The following EYS variants were observed in gnomAD, a reference collection of about 807,000 sequenced individuals.
The protein encoded by EYS is protein eyes shut homolog.
In EYS, 250 loss-of-function variants were observed where a neutral mutation model predicts 282.1. The observed-to-expected ratio is 0.89, with a 90% CI of 0.80 to 0.98. The LOEUF (loss-of-function observed/expected upper bound fraction) is 0.98, where lower values mean the gene tolerates loss of function less well. EYS is among the 50% of genes least tolerant of loss of function. The pLI is 0.00. For missense variants in EYS, 4,016 were observed against 3,709.0 expected, an observed-to-expected ratio of 1.08 and a Z score of -2.15; for synonymous variants, 1,355 against 1,282.9, an observed-to-expected ratio of 1.06 and a Z score of -1.20.
Position 64,912,494 on chromosome 6 carries a change from A to G in EYS, c.2631T>C (p.Ile877=), listed in dbSNP as rs1392027064. ...CATATTAGCTCTTACCTTCTCTACA[A>G]ATACAATGCTGATTTGCGTCTACCA... ...LALVDANQHC[I]CREEFEGKNC... is the part of the protein sequence containing the mutation. Residue 877 remains isoleucine, a synonymous_variant, in exon 16 of 43, where the codon ATT becomes ATC. Transcript: ENST00000503581. 79 of 1,550,906 alleles carry G rather than the reference A, an allele frequency of 5.1e-5. No homozygotes were observed. Among genetic ancestry groups the G allele is most frequent in the Middle Eastern group, 1.7e-4 (1 of 6,010 alleles).
intron 35 of EYS, among the ~76,000 whole-genome samples, chr6:63,905,984 C>G (rs560174393): frequency 6.6e-6 from 1 of 152,178 alleles, no homozygotes; most frequent in Admixed American, 6.5e-5. Flanking sequence ...CTACGTGTTG[C>G]TCAATCCCTG....
At position 64,300,201 on chromosome 6, in the gene EYS, T is replaced by C. The variant is rs534628611; in HGVS notation, c.6191+6769A>G. Among the ~76,000 whole-genome samples, 6 of 152,266 alleles carry C rather than the reference T, an allele frequency of 3.9e-5. No homozygotes were observed. In the South Asian group the frequency reaches 1.2e-3, roughly 32 times the overall value. ...AAAGGCATTAGAGGCTGGAGCCACG[T>C]GGCCAAGTTTGTGATGGGTGGAAGA... On this transcript the variant is annotated intron_variant, in intron 30 of 42. Coordinates refer to ENST00000503581, the MANE Select transcript of EYS (RefSeq NM_001142800.2).
intron 5 of EYS, among the ~76,000 whole-genome samples, chr6:65,452,039 C>T (rs1378859074): frequency 6.6e-6 from 1 of 151,420 alleles, no homozygotes; most frequent in Non-Finnish European, 1.5e-5. Context: ...TTTTAATATG[C>T]TTAAATGCAA....
chr6:64,456,613 A>C (rs937001539), intron 26 of EYS, among the ~76,000 whole-genome samples: 5 of 152,038 alleles, frequency 3.3e-5, no homozygotes, highest in Admixed American at 2.0e-4. Flanking sequence ...GGAAGAAAAC[A>C]TTTTCTTGTA....
intron 10 of EYS, among the ~76,000 whole-genome samples, chr6:65,338,321 A>G (rs1770068462): frequency 6.7e-6 from 1 of 148,818 alleles, no homozygotes; most frequent in Admixed American, 6.7e-5. Flanking sequence ...AAGAGAGTAA[A>G]TTATATCAGT....
chr6:64,343,270 C>G (rs1430044032), intron 29 of EYS, among the ~76,000 whole-genome samples: 1 of 151,868 alleles, frequency 6.6e-6, no homozygotes, highest in African/African-American at 2.4e-5. Flanking sequence ...TTCAGCACCA[C>G]ACCACACCTA....
intron 19 of EYS, among the ~76,000 whole-genome samples, chr6:64,864,380 A>AACT (rs1766346505): frequency 5.9e-5 from 3 of 51,202 alleles, no homozygotes; most frequent in Non-Finnish European, 1.3e-4. Flanking sequence ...GAGGTGCTAT[A>AACT]CCTTCTTTTT....
rs564777823 is a variant in EYS at position 65,443,206 on chromosome 6, T to G, written c.863-37839A>C. Among the ~76,000 whole-genome samples, 2 of 151,852 alleles carry G rather than the reference T, an allele frequency of 1.3e-5. 1 individual carries two copies. The highest frequency in any genetic ancestry group is 4.1e-4 in the South Asian group (2 of 4,832). ...TCATATACATATGTGCGCACATATA[T>G]GTATGCATCATATACACATGTATGT... On this transcript the variant is annotated intron_variant, in intron 5 of 42. Coordinates refer to ENST00000503581, the MANE Select transcript of EYS (RefSeq NM_001142800.2).
chr6:64,508,439 C>T (rs1185128786), intron 26 of EYS, among the ~76,000 whole-genome samples: 1 of 151,828 alleles, frequency 6.6e-6, no homozygotes, highest in Non-Finnish European at 1.5e-5. Context: ...TTTCTCCAAC[C>T]TTAAAATGAA....
chr6:63,786,553 A>G (rs935552022), intron 39 of EYS, among the ~76,000 whole-genome samples: 2 of 151,944 alleles, frequency 1.3e-5, no homozygotes, highest in East Asian at 3.9e-4. Context: ...GGGCAAGGGG[A>G]GGGAGAGCCT....
intron 31 of EYS, among the ~76,000 whole-genome samples, chr6:64,151,791 T>C (rs140299951): frequency 2.4e-3 from 366 of 152,316 alleles, no homozygotes; most frequent in Middle Eastern, 0.01. Context: ...GAGGTGACTC[T>C]GGAGAAGAAT....
intron 34 of EYS, among the ~76,000 whole-genome samples, chr6:63,995,315 C>T (rs1767785003): frequency 6.6e-6 from 1 of 151,854 alleles, no homozygotes; most frequent in African/African-American, 2.4e-5. Context: ...TCACCATCTC[C>T]AATCATCAGG....
rs553406836 is a variant in EYS, at chr6:64,058,077, G to A, written c.6725+8261C>T. On this transcript the variant is annotated intron_variant, in intron 33 of 42. Transcript: ENST00000503581. ...CCTATGTTGTGGGAGAGACCCAGTGGGAGGGTTTTCCTGTGCTGTTCTCAT... is the reference window on the plus strand; with the variant it reads ...CCTATGTTGTGGGAGAGACCCAGTGAGAGGGTTTTCCTGTGCTGTTCTCAT... 1.9e-4 allele frequency among the ~76,000 whole-genome samples: 29 copies of A among 152,240 alleles called. No homozygotes were observed. The South Asian group carries it at 5.8e-3, about 31-fold the overall frequency.
chr6:63,737,424 C>T (rs1404295182), intron 41 of EYS, among the ~76,000 whole-genome samples: 1 of 152,084 alleles, frequency 6.6e-6, no homozygotes, highest in East Asian at 1.9e-4. Flanking sequence ...AGCCTTGCAT[C>T]CCAGGGATGA....
At chr6:65,088,110 T>G (rs1452216928) in intron 12 of EYS, among the ~76,000 whole-genome samples, 3 of 152,210 alleles carry the variant, frequency 2.0e-5, no homozygotes, top group Admixed American at 1.3e-4. Flanking sequence ...AATCTGGAGC[T>G]GTGAGTCAAT....
intron 13 of EYS, among the ~76,000 whole-genome samples, chr6:65,027,549 C>T (rs1430333011): frequency 1.3e-5 from 2 of 152,192 alleles, no homozygotes; most frequent in Non-Finnish European, 2.9e-5. Flanking sequence ...CTCTTCAATG[C>T]CTCATTAAAA....
intron 13 of EYS, among the ~76,000 whole-genome samples, chr6:65,039,395 C>CTT (rs1199718725): frequency 2.0e-5 from 3 of 151,326 alleles, no homozygotes; most frequent in Non-Finnish European, 4.4e-5. Context: ...TAAACACTTT[C>CTT]TTAAGCTGTA....
At chr6:64,015,555 A>G (rs1026120938) in intron 33 of EYS, among the ~76,000 whole-genome samples, 1 of 152,236 alleles carries the variant, frequency 6.6e-6, no homozygotes, top group African/African-American at 2.4e-5. Flanking sequence ...AAAAGAAATT[A>G]GTTTTCAGGG....
intron 26 of EYS, among the ~76,000 whole-genome samples, chr6:64,571,508 T>G (rs980441391): frequency 6.6e-6 from 1 of 151,798 alleles, no homozygotes; most frequent in Non-Finnish European, 1.5e-5. Context: ...TTGAAAATAT[T>G]AACAAAATAG....
Sources: gnomAD v4.1 joint callset for allele counts (sites outside exome capture counted in the v4.1 genomes callset) on GRCh38, gnomAD v4.1.1 for gene constraint, MANE v1.5 for transcripts, NCBI Gene and HGNC (gene_info 2026-07-23, HGNC 2026-07-21) for gene names.